Variants in ADARB2 observed in about 807,000 individuals in gnomAD.
ADARB2 encodes inactive double-stranded RNA-specific editase B2.
Under a neutral mutation model 62.2 loss-of-function variants are expected in ADARB2, and 25 were observed. That is an observed-to-expected ratio of 0.40 (90% CI 0.29 to 0.56). The LOEUF is 0.56. Among genes scored for constraint, ADARB2 ranks in the 20% least tolerant of loss-of-function variants. The pLI is 0.43. For missense variants in ADARB2, 1,071 were observed against 1,077.4 expected (o/e 0.99, Z 0.08); for synonymous variants, 572 against 500.8 (o/e 1.14, Z -1.90).
chr10:1,710,473 A>C lies in ADARB2; in HGVS notation c.100+26578T>G, dbSNP rs181774355. Among the ~76,000 whole-genome samples, 59 of 152,332 alleles carry C rather than the reference A, an allele frequency of 3.9e-4. 1 individual carries two copies. Among genetic ancestry groups the C allele is most frequent in the Non-Finnish European group, 8.5e-4 (58 of 68,034 alleles). ...TCCTGCCACTGGGACACATGCACCC[A>C]GAAGATAAGCTGGAGGGATAAGGAT... On this transcript the variant is annotated intron_variant, in intron 1 of 9. Transcript: ENST00000381312.
At chr10:1,510,759 G>A (rs1355619724) in intron 1 of ADARB2, among the ~76,000 whole-genome samples, 1 of 152,044 alleles carries the variant, frequency 6.6e-6, no homozygotes, top group Non-Finnish European at 1.5e-5. Flanking sequence ...TTCTTCACTG[G>A]AATCTAGCCC....
At chr10:1,502,726 A>T (rs1212298626) in intron 1 of ADARB2, among the ~76,000 whole-genome samples, 3 of 152,130 alleles carry the variant, frequency 2.0e-5, no homozygotes, top group African/African-American at 7.2e-5. Flanking sequence ...TAAAACATCC[A>T]TTTTCTAACC....
At chr10:1,495,075 G>A (rs1564307614) in intron 1 of ADARB2, among the ~76,000 whole-genome samples, 1 of 152,124 alleles carries the variant, frequency 6.6e-6, no homozygotes, top group Non-Finnish European at 1.5e-5. Context: ...TAAATAGTTT[G>A]ATTCTGGTTA....
At chr10:1,375,467 G>T (rs756129588) in intron 2 of ADARB2, among the ~76,000 whole-genome samples, 1 of 152,174 alleles carries the variant, frequency 6.6e-6, no homozygotes, top group Non-Finnish European at 1.5e-5. Context: ...CCTGTTCCCC[G>T]CTCTGCACCC....
chr10:1,719,820 T>A (rs7091403), intron 1 of ADARB2, among the ~76,000 whole-genome samples: 14,245 of 152,142 alleles, frequency 0.094, 1,074 homozygotes, highest in African/African-American at 0.2. Flanking sequence ...ATTAGAGAAA[T>A]GCAAATCAAA....
chr10:1,216,621 C>T (rs1830624233), intron 7 of ADARB2: 8 of 347,890 alleles, frequency 2.3e-5, no homozygotes, highest in South Asian at 3.6e-5. Context: ...CCTATGGCCA[C>T]CCCGACTGGC....
intron 2 of ADARB2, among the ~76,000 whole-genome samples, chr10:1,371,561 G>A (rs961361798): frequency 2.6e-5 from 4 of 152,110 alleles, no homozygotes; most frequent in Admixed American, 2.6e-4. Context: ...TCTGACAAAC[G>A]GCTAATATCC....
At chr10:1,289,256 G>C (rs1354020708) in intron 3 of ADARB2, among the ~76,000 whole-genome samples, 1 of 152,188 alleles carries the variant, frequency 6.6e-6, no homozygotes, top group Non-Finnish European at 1.5e-5. Flanking sequence ...CGTCTTTCCA[G>C]ACTGAACCAA....
chr10:1,318,131 C>T (rs1831757496), intron 3 of ADARB2, among the ~76,000 whole-genome samples: 1 of 152,230 alleles, frequency 6.6e-6, no homozygotes, highest in Admixed American at 6.5e-5. Flanking sequence ...TTGTTAGACA[C>T]TGTAAAATCT....
chr10:1,732,789 A>G (rs1835250330), intron 1 of ADARB2, among the ~76,000 whole-genome samples: 1 of 152,302 alleles, frequency 6.6e-6, no homozygotes, highest in South Asian at 2.1e-4. Flanking sequence ...CCTCAGCACA[A>G]TCTTTCTATT....
At chr10:1,525,859 G>A (rs1380803779) in intron 1 of ADARB2, among the ~76,000 whole-genome samples, 5 of 149,390 alleles carry the variant, frequency 3.3e-5, no homozygotes, top group African/African-American at 7.7e-5. Flanking sequence ...GTGTGTGCGC[G>A]TGTCTGCGTG....
At chr10:1,216,921 A>G (rs753713280) in intron 7 of ADARB2, 30 bp downstream of exon 7, 6 of 1,590,922 alleles carry the variant, frequency 3.8e-6, no homozygotes, top group Non-Finnish European at 5.1e-6. Flanking sequence ...GCCGCAGCCA[A>G]CATCCTCGAG....
At chr10:1,348,711 C>T (rs752661223) in intron 3 of ADARB2, among the ~76,000 whole-genome samples, 9 of 152,164 alleles carry the variant, frequency 5.9e-5, no homozygotes, top group South Asian at 4.1e-4. Context: ...GTCCAGGTCC[C>T]GACTGCTGGC....
At chr10:1,640,467 G>C (rs1168097625) in intron 1 of ADARB2, among the ~76,000 whole-genome samples, 1 of 152,138 alleles carries the variant, frequency 6.6e-6, no homozygotes, top group Non-Finnish European at 1.5e-5. Context: ...CCATTAGAGG[G>C]GCTCCAGGGG....
At chr10:1,562,893 AGTT>A (rs577506566) in intron 1 of ADARB2, among the ~76,000 whole-genome samples, 84 of 152,368 alleles carry the variant, frequency 5.5e-4, no homozygotes, top group Middle Eastern at 6.8e-3. Flanking sequence ...ATATGATTGA[AGTT>A]GTTATTACTA....
intron 4 of ADARB2, among the ~76,000 whole-genome samples, chr10:1,257,456 T>C (rs1831090004): frequency 6.6e-6 from 1 of 152,168 alleles, no homozygotes; most frequent in African/African-American, 2.4e-5. Context: ...CCCTTCCTCT[T>C]CAGGGTCAGC....
chr10:1,395,644 TC>T (rs1437177904), intron 1 of ADARB2, among the ~76,000 whole-genome samples: 2 of 152,134 alleles, frequency 1.3e-5, no homozygotes, highest in East Asian at 3.9e-4. Flanking sequence ...GTGCTGGACC[TC>T]CCTATAGCTG....
chr10:1,675,750 G>T (rs1276609198), intron 1 of ADARB2, among the ~76,000 whole-genome samples: 1 of 152,064 alleles, frequency 6.6e-6, no homozygotes, highest in Non-Finnish European at 1.5e-5. Flanking sequence ...GAGACCTAGG[G>T]CTAGTTACTC....
At chr10:1,534,557 C>A in intron 1 of ADARB2, 1 of 152,314 alleles carries the variant, frequency 6.6e-6, no homozygotes, top group Non-Finnish European at 1.5e-5. Flanking sequence ...ATTACTTCCT[C>A]CCTTGATGCT....
Sources: allele counts gnomAD v4.1 joint callset (sites outside exome capture counted in the v4.1 genomes callset), GRCh38; gene constraint gnomAD v4.1.1; transcripts MANE v1.5; gene names NCBI Gene and HGNC (gene_info 2026-07-23, HGNC 2026-07-21).